Variants in RERE observed in about 807,000 individuals in gnomAD.
RERE encodes the protein arginine-glutamic acid dipeptide repeats protein.
Under a neutral mutation model 146.1 loss-of-function variants are expected in RERE, and 40 were observed. That is an observed-to-expected ratio of 0.27 (90% CI 0.21 to 0.36). RERE has a LOEUF of 0.36. Among genes scored for constraint, RERE ranks in the 10% least tolerant of loss-of-function variants. RERE has a pLI of 1.00. For missense variants in RERE, 1,933 were observed against 2,138.7 expected, an observed-to-expected ratio of 0.90 and a Z score of 1.90; for synonymous variants, 1,003 against 866.0, an observed-to-expected ratio of 1.16 and a Z score of -2.78.
intron 12 of RERE, among the ~76,000 whole-genome samples, chr1:8,390,288 T>C (rs1642840086): frequency 6.6e-6 from 1 of 152,092 alleles, no homozygotes; most frequent in Admixed American, 6.5e-5. Flanking sequence ...CTTTGGCACA[T>C]CTTCTGGCCA....
chr1:8,752,987 T>C (rs981529701), intron 1 of RERE, among the ~76,000 whole-genome samples: 2 of 152,216 alleles, frequency 1.3e-5, no homozygotes, highest in Non-Finnish European at 2.9e-5. Context: ...GTTATTTTAA[T>C]AGGCCTAAAT....
chr1:8,658,800 CT>C (rs1638388814), intron 1 of RERE, among the ~76,000 whole-genome samples: 1 of 151,938 alleles, frequency 6.6e-6, no homozygotes, highest in South Asian at 2.1e-4. Context: ...AGAAAATTCT[CT>C]TTGGTCATGC....
intron 1 of RERE, among the ~76,000 whole-genome samples, chr1:8,792,775 G>C (rs540277980): frequency 7.9e-5 from 12 of 152,282 alleles, no homozygotes; most frequent in African/African-American, 2.6e-4. Flanking sequence ...CCAGATGCTG[G>C]ATTCTTTTTA....
intron 2 of RERE, among the ~76,000 whole-genome samples, chr1:8,633,440 C>CACGCACACACACAG (rs1378414956): frequency 6.6e-6 from 1 of 151,404 alleles, no homozygotes; most frequent in Non-Finnish European, 1.5e-5. Context: ...CGCACGTGCG[C>CACGCACACACACAG]ACGCACACAC....
intron 8 of RERE, among the ~76,000 whole-genome samples, chr1:8,500,490 A>AT (rs1645117660): frequency 6.6e-6 from 1 of 152,196 alleles, no homozygotes; most frequent in Non-Finnish European, 1.5e-5. Flanking sequence ...GGGATTGCAG[A>AT]CGGAGTCTCG....
chr1:8,580,562 A>G (rs879424749), intron 4 of RERE, among the ~76,000 whole-genome samples: 1 of 152,224 alleles, frequency 6.6e-6, no homozygotes, highest in Non-Finnish European at 1.5e-5. Context: ...TTTTAGTTAT[A>G]CTTTACATGT....
intron 1 of RERE, among the ~76,000 whole-genome samples, chr1:8,746,279 C>T (rs1379956518): frequency 6.6e-6 from 1 of 152,134 alleles, no homozygotes. Flanking sequence ...AAAGCACCCT[C>T]CTTACTGACT....
intron 1 of RERE, among the ~76,000 whole-genome samples, chr1:8,697,542 G>A (rs1639359185): frequency 6.6e-6 from 1 of 151,936 alleles, no homozygotes; most frequent in South Asian, 2.1e-4. Context: ...ACAGGCACCC[G>A]CCAACACACC....
In RERE at chr1:8,808,615, C is replaced by T. The variant is rs757051096; in HGVS notation, c.-145+8545G>A. Among the ~76,000 whole-genome samples the T allele has an allele frequency of 4.6e-5, 7 of 152,060 alleles. No homozygotes were observed. The East Asian group carries it at 9.6e-4, about 21-fold the overall frequency. Reference sequence around the variant, plus strand: ...GACCCAGAAAGGTAAATAACCTGCCCGAAGTCACAGAGTTAATAAGCAGTG... The same window carrying T: ...GACCCAGAAAGGTAAATAACCTGCCTGAAGTCACAGAGTTAATAAGCAGTG... On this transcript the variant is annotated intron_variant, in intron 1 of 22. Transcript: ENST00000400908.
At chr1:8,773,955 A>G (rs1408685866) in intron 1 of RERE, among the ~76,000 whole-genome samples, 10 of 152,210 alleles carry the variant, frequency 6.6e-5, no homozygotes. Flanking sequence ...ATCTCTAATG[A>G]TCTTTCCCAC....
At chr1:8,433,653 C>T (rs981339740) in intron 11 of RERE, among the ~76,000 whole-genome samples, 2 of 151,314 alleles carry the variant, frequency 1.3e-5, no homozygotes, top group Non-Finnish European at 2.9e-5. Context: ...CTCCGCTTCC[C>T]GGGTTCACGC....
chr1:8,531,900 T>C (rs995945065), intron 7 of RERE, among the ~76,000 whole-genome samples: 1 of 152,220 alleles, frequency 6.6e-6, no homozygotes, highest in Non-Finnish European at 1.5e-5. Flanking sequence ...ATAATCCAAT[T>C]GTACATTTTA....
intron 1 of RERE, among the ~76,000 whole-genome samples, chr1:8,804,576 T>C (rs1426991569): frequency 6.6e-6 from 1 of 152,200 alleles, no homozygotes. Context: ...TAGCTTCTCT[T>C]GCAGTTATGT....
At chr1:8,586,588 C>T (rs548716143) in intron 4 of RERE, among the ~76,000 whole-genome samples, 1 of 152,082 alleles carries the variant, frequency 6.6e-6, no homozygotes, top group Non-Finnish European at 1.5e-5. Flanking sequence ...AGAAGGGAAG[C>T]GAATCTAAAA....
intron 11 of RERE, 131 bp from the exon 12 acceptor site, chr1:8,422,938 CGGA>C (rs1557624600): frequency 1.5e-6 from 1 of 678,364 alleles, no homozygotes; most frequent in African/African-American, 1.8e-5. Flanking sequence ...TGCCGAGGCT[CGGA>C]GAGTATGTCA....
intron 1 of RERE, among the ~76,000 whole-genome samples, chr1:8,765,290 G>C (rs1640825453): frequency 6.6e-6 from 1 of 152,192 alleles, no homozygotes; most frequent in Non-Finnish European, 1.5e-5. Flanking sequence ...TCCAGAATAG[G>C]CAAATCCATA....
intron 12 of RERE, among the ~76,000 whole-genome samples, chr1:8,416,586 CAAAAAAA>C (rs5772324): frequency 3.7e-4 from 39 of 105,966 alleles, no homozygotes; most frequent in Non-Finnish European, 6.2e-4. Flanking sequence ...ACTCCATCTC[CAAAAAAA>C]AAAAAAAAAG....
At chr1:8,357,581 G>A (rs1032666438) in intron 20 of RERE, among the ~76,000 whole-genome samples, 1 of 152,186 alleles carries the variant, frequency 6.6e-6, no homozygotes, top group Non-Finnish European at 1.5e-5. Flanking sequence ...CACCCCCTGC[G>A]CCATCTCACC....
intron 1 of RERE, among the ~76,000 whole-genome samples, chr1:8,729,780 T>C (rs761677764): frequency 1.3e-5 from 2 of 152,166 alleles, no homozygotes; most frequent in African/African-American, 4.8e-5. Context: ...ATCCACCCTA[T>C]ACTACATATT....
Sources: gnomAD v4.1 joint callset for allele counts (sites outside exome capture counted in the v4.1 genomes callset) on GRCh38, gnomAD v4.1.1 for gene constraint, MANE v1.5 for transcripts, NCBI Gene and HGNC (gene_info 2026-07-23, HGNC 2026-07-21) for gene names.